ZMYM2: variants seen among roughly 807,000 people sequenced by gnomAD.
ZMYM2 encodes the protein zinc finger MYM-type containing 2.
Under a neutral mutation model 162.8 loss-of-function variants are expected in ZMYM2, and 56 were observed. That is an observed-to-expected ratio of 0.34 (90% confidence interval 0.28 to 0.43). ZMYM2 has a LOEUF of 0.43. ZMYM2 is among the 20% of genes least tolerant of loss of function. ZMYM2 has a pLI of 1.00. For missense variants in ZMYM2, 1,275 were observed against 1,621.8 expected (o/e 0.79, Z 3.67); for synonymous variants, 510 against 541.6 (o/e 0.94, Z 0.81).
At chr13:19,925,259 T>C in the ZMYM2 span, among the ~76,000 whole-genome samples, 8 of 152,226 alleles carry the variant, frequency 5.3e-5, no homozygotes, top group Non-Finnish European at 1.0e-4. Flanking sequence ...CTATTTGCTA[T>C]AGCTTTTTAG....
the ZMYM2 span, among the ~76,000 whole-genome samples, chr13:19,880,262 C>T: frequency 5.3e-5 from 8 of 152,270 alleles, no homozygotes; most frequent in East Asian, 1.5e-3. Flanking sequence ...CTGGCTAATA[C>T]GGACATCTTG....
At chr13:20,049,951 A>G (rs1955165288) in intron 12 of ZMYM2, among the ~76,000 whole-genome samples, 1 of 152,034 alleles carries the variant, frequency 6.6e-6, no homozygotes, top group African/African-American at 2.4e-5. Context: ...TGAAAGAAAG[A>G]AAAGAAACCC....
chr13:19,946,216 A>G, the ZMYM2 span, among the ~76,000 whole-genome samples: 1 of 152,214 alleles, frequency 6.6e-6, no homozygotes, highest in Non-Finnish European at 1.5e-5. Flanking sequence ...CTTAAGGTTT[A>G]ACATTACATT....
chr13:20,039,829 T>C (rs2140408351), intron 12 of ZMYM2, among the ~76,000 whole-genome samples: 1 of 152,340 alleles, frequency 6.6e-6, no homozygotes. Context: ...CTTTTCTGCA[T>C]CTATTGAGAT....
chr13:19,964,348 C>T (rs2139125836), intron 2 of ZMYM2, among the ~76,000 whole-genome samples: 1 of 151,890 alleles, frequency 6.6e-6, no homozygotes, highest in East Asian at 1.9e-4. Flanking sequence ...TGCACTCCAG[C>T]CTGGGCAATA....
intron 7 of ZMYM2, among the ~76,000 whole-genome samples, chr13:20,023,757 A>G (rs1215297597): frequency 2.0e-5 from 3 of 152,176 alleles, no homozygotes; most frequent in Admixed American, 1.3e-4. Flanking sequence ...TTTAAATATG[A>G]TTATTTTGAT....
chr13:19,880,769 G>C, the ZMYM2 span, among the ~76,000 whole-genome samples: 3 of 151,936 alleles, frequency 2.0e-5, no homozygotes, highest in African/African-American at 7.2e-5. Context: ...ATTGTTCACT[G>C]TTAGTGTGTA....
chr13:19,906,901 T>C, the ZMYM2 span, among the ~76,000 whole-genome samples: 1 of 152,166 alleles, frequency 6.6e-6, no homozygotes, highest in Admixed American at 6.6e-5. Context: ...TTTGTATGTA[T>C]GTTTTTAAGG....
At chr13:19,902,060 G>A in the ZMYM2 span, among the ~76,000 whole-genome samples, 3 of 152,128 alleles carry the variant, frequency 2.0e-5, no homozygotes, top group African/African-American at 7.2e-5. Flanking sequence ...AAGGTATTGG[G>A]ATTACAGCCA....
chr13:19,910,319 A>G, the ZMYM2 span, among the ~76,000 whole-genome samples: 1 of 152,154 alleles, frequency 6.6e-6, no homozygotes, highest in Non-Finnish European at 1.5e-5. Context: ...GGAATTAGAA[A>G]GGGTTCTAAC....
the ZMYM2 span, among the ~76,000 whole-genome samples, chr13:19,895,829 A>AT: frequency 1.3e-5 from 2 of 151,802 alleles, no homozygotes; most frequent in Admixed American, 6.6e-5. Context: ...TTTATTGCAC[A>AT]TTACTATTCA....
chr13:19,994,052 C>T (rs1949831394), intron 3 of ZMYM2, 133 bp downstream of exon 3: 5 of 1,115,572 alleles, frequency 4.5e-6, no homozygotes, highest in Non-Finnish European at 5.0e-6. Flanking sequence ...TGAATTTTAT[C>T]TTAAGTTTGG....
chr13:20,060,370 G>C (rs530197561), intron 16 of ZMYM2, among the ~76,000 whole-genome samples: 11 of 152,130 alleles, frequency 7.2e-5, no homozygotes, highest in Admixed American at 4.6e-4. Context: ...TTTATATTTG[G>C]GTTCATTTTC....
chr13:20,067,424 A>G (rs1284812872), intron 21 of ZMYM2, 34 bp downstream of exon 21: 30 of 1,547,064 alleles, frequency 1.9e-5, no homozygotes, highest in Non-Finnish European at 2.5e-5. Flanking sequence ...CAAGTATAAC[A>G]TTAATAAGAA....
the ZMYM2 span, among the ~76,000 whole-genome samples, chr13:19,951,294 T>C: frequency 6.6e-6 from 1 of 151,984 alleles, no homozygotes; most frequent in Non-Finnish European, 1.5e-5. Flanking sequence ...AGACAACCTA[T>C]GAAATGAGAG....
At chr13:19,986,545 T>C (rs1433537244) in intron 2 of ZMYM2, among the ~76,000 whole-genome samples, 1 of 152,182 alleles carries the variant, frequency 6.6e-6, no homozygotes, top group East Asian at 1.9e-4. Context: ...AAGTTTCAGA[T>C]AAGTCCTTTA....
intron 14 of ZMYM2, among the ~76,000 whole-genome samples, chr13:20,053,912 T>C (rs934369389): frequency 7.2e-5 from 11 of 152,198 alleles, no homozygotes; most frequent in African/African-American, 1.4e-4. Context: ...CCAGACACTT[T>C]TATCCATGCT....
chr13:19,883,765 T>TA, the ZMYM2 span, among the ~76,000 whole-genome samples: 107 of 152,234 alleles, frequency 7.0e-4, 6 homozygotes, highest in African/African-American at 4.1e-4. Context: ...TATATATATA[T>TA]TTTTTTGAGC....
chr13:19,962,457 C>T (rs1387262502), intron 2 of ZMYM2, among the ~76,000 whole-genome samples: 1 of 136,562 alleles, frequency 7.3e-6, no homozygotes. Flanking sequence ...TAATAAATGT[C>T]GTTGATTATG....
Sources: allele counts gnomAD v4.1 joint callset (sites outside exome capture counted in the v4.1 genomes callset), GRCh38; gene constraint gnomAD v4.1.1; transcripts MANE v1.5; gene names NCBI Gene and HGNC (gene_info 2026-07-23, HGNC 2026-07-21).